Variants in SEMA3A observed in about 807,000 individuals in gnomAD.
The protein encoded by SEMA3A is semaphorin-3A.
Under a neutral mutation model 97.9 loss-of-function variants are expected in SEMA3A, and 29 were observed. The ratio of observed to expected loss-of-function variants is 0.30; its 90% CI spans 0.22 to 0.40. The LOEUF (loss-of-function observed/expected upper bound fraction) is 0.40. Among genes scored for constraint, SEMA3A ranks in the 10% least tolerant of loss-of-function variants. The probability of loss-of-function intolerance (pLI) is 1.00; values close to 1 mark genes in which losing one functional copy is unlikely to be tolerated. For synonymous variants in SEMA3A, 321 were observed against 323.7 expected, an observed-to-expected ratio of 0.99 and a Z score of 0.09; for missense variants, 763 against 951.3, an observed-to-expected ratio of 0.80 and a Z score of 2.60.
chr7:84,057,820 T>C (rs976843424), intron 5 of SEMA3A, among the ~76,000 whole-genome samples: 4 of 151,952 alleles, frequency 2.6e-5, no homozygotes, highest in Non-Finnish European at 5.9e-5. Context: ...CTTGACAAAA[T>C]GATCACTTTT....
intron 15 of SEMA3A, among the ~76,000 whole-genome samples, chr7:83,974,531 C>T (rs775052331): frequency 3.3e-5 from 5 of 152,156 alleles, no homozygotes; most frequent in Non-Finnish European, 7.3e-5. Flanking sequence ...TATGCTTCCA[C>T]ATGAGCACAT....
intron 1 of SEMA3A, among the ~76,000 whole-genome samples, chr7:84,454,066 A>T (rs901913733): frequency 6.6e-6 from 1 of 152,202 alleles, no homozygotes; most frequent in Non-Finnish European, 1.5e-5. Flanking sequence ...GTACATGGAG[A>T]TGTAATTTGT....
chr7:84,443,539 C>T (rs892077129), intron 1 of SEMA3A, among the ~76,000 whole-genome samples: 20 of 152,008 alleles, frequency 1.3e-4, no homozygotes, highest in Admixed American at 5.9e-4. Context: ...TCAGAAGGAG[C>T]AAATCAAGAC....
In SEMA3A at chr7:84,060,487, C is replaced by T. The variant is rs1193114121; in HGVS notation, c.525G>A (p.Leu175=). The change falls in exon 5 of 17, where the codon CTG becomes CTA. Residue 175 remains leucine (L), a synonymous_variant. Coordinates refer to ENST00000265362, the MANE Select transcript of SEMA3A (RefSeq NM_006080.3). ...CACCTATTAAAAGGGATGCTGTCAG[C>T]AGCTTAGGGTCATATGGACTCTTCC... ...GRGKSPYDPK[L]LTASLLIDGE... is the part of the protein sequence containing the mutation. The T allele has an allele frequency of 1.3e-6, 2 of 1,585,906 alleles. No homozygotes were observed. Among genetic ancestry groups the T allele is most frequent in the Non-Finnish European group, 1.7e-6 (2 of 1,169,984 alleles).
chr7:84,178,970 C>G, intron 1 of SEMA3A, among the ~76,000 whole-genome samples: 1 of 152,140 alleles, frequency 6.6e-6, no homozygotes, highest in East Asian at 1.9e-4. Flanking sequence ...GCCTGCCAAA[C>G]GGTTCTTTGA....
chr7:84,279,411 C>A (rs1800383090), intron 3 of SEMA3A, among the ~76,000 whole-genome samples: 1 of 151,630 alleles, frequency 6.6e-6, no homozygotes, highest in Non-Finnish European at 1.5e-5. Context: ...CTGGAAAATT[C>A]CACATTGAGG....
Position 84,046,443 on chromosome 7 carries a change from T to C in SEMA3A, c.548A>G (p.Asp183Gly). ...PKLLTASLLI[D>G]GELYSGTAAD... ...TGCAGTTCCAGAGTATAATTCTCCATCTGTGTTGTGACAAAACCACATACA... is the reference window on the plus strand; with the variant it reads ...TGCAGTTCCAGAGTATAATTCTCCACCTGTGTTGTGACAAAACCACATACA... The change falls in exon 6 of 17, where the codon GAT becomes GGT. Residue 183 changes from aspartate to glycine, a missense_variant and splice_region_variant. By Grantham distance (94) the Asp-to-Gly change is moderately conservative. Around this residue, in one of 2 missense-constraint regions of SEMA3A, gnomAD observed 678 missense variants for 881.3 expected, o/e 0.77. Transcript: ENST00000265362. 6.2e-7 allele frequency: 1 copy of C among 1,612,850 alleles called. No individual in the cohort carries two copies. Among genetic ancestry groups the C allele is most frequent in the South Asian group, 1.1e-5 (1 of 91,044 alleles).
intron 4 of SEMA3A, among the ~76,000 whole-genome samples, chr7:84,063,404 A>G (rs1793338123): frequency 6.6e-6 from 1 of 151,416 alleles, no homozygotes; most frequent in African/African-American, 2.4e-5. Flanking sequence ...CAGCAACGGA[A>G]CAAAGCTGGA....
intron 1 of SEMA3A, among the ~76,000 whole-genome samples, chr7:84,414,185 T>C (rs1292363674): frequency 2.6e-5 from 4 of 152,112 alleles, no homozygotes; most frequent in African/African-American, 9.7e-5. Flanking sequence ...CTAATCAATG[T>C]TCACCATTTT....
intron 1 of SEMA3A, among the ~76,000 whole-genome samples, chr7:84,420,956 A>ATCAGG (rs1554382790): frequency 6.6e-6 from 1 of 151,810 alleles, no homozygotes; most frequent in African/African-American, 2.4e-5. Context: ...AGATTCATTG[A>ATCAGG]TTTTTTAAAG....
chr7:84,415,092 T>C (rs762110676), intron 1 of SEMA3A, among the ~76,000 whole-genome samples: 67 of 152,100 alleles, frequency 4.4e-4, no homozygotes, highest in Non-Finnish European at 1.6e-4. Context: ...AAAGGGATAT[T>C]AAGATAGTAT....
intron 1 of SEMA3A, among the ~76,000 whole-genome samples, chr7:84,378,710 TA>T (rs1206392699): frequency 2.6e-5 from 4 of 151,958 alleles, no homozygotes. Flanking sequence ...AGTATAATGT[TA>T]AAAAAAGAAT....
chr7:84,321,749 G>A (rs982710241), intron 2 of SEMA3A, among the ~76,000 whole-genome samples: 5 of 151,412 alleles, frequency 3.3e-5, no homozygotes, highest in Non-Finnish European at 7.4e-5. Flanking sequence ...GGTGGCGCAC[G>A]CCTCTAGTCT....
At chr7:84,101,174 C>T (rs1304495513) in intron 4 of SEMA3A, among the ~76,000 whole-genome samples, 1 of 152,036 alleles carries the variant, frequency 6.6e-6, no homozygotes, top group Non-Finnish European at 1.5e-5. Context: ...TATCTTCTGG[C>T]TTGTTATAAT....
intron 3 of SEMA3A, among the ~76,000 whole-genome samples, chr7:84,279,048 T>G (rs992386721): frequency 1.3e-5 from 2 of 152,070 alleles, no homozygotes; most frequent in Admixed American, 1.3e-4. Context: ...AATGTGAAAA[T>G]AACAATTTGA....
chr7:84,168,551 A>G (rs959094919), intron 1 of SEMA3A, among the ~76,000 whole-genome samples: 2 of 151,968 alleles, frequency 1.3e-5, no homozygotes, highest in African/African-American at 4.8e-5. Context: ...TACTAAAAGG[A>G]AGATAACTTC....
At chr7:84,277,868 T>C (rs999420420) in intron 3 of SEMA3A, among the ~76,000 whole-genome samples, 2 of 152,222 alleles carry the variant, frequency 1.3e-5, no homozygotes, top group African/African-American at 2.4e-5. Flanking sequence ...GATGTTAGTA[T>C]TTGGCTTCCT....
intron 1 of SEMA3A, among the ~76,000 whole-genome samples, chr7:84,167,429 C>T (rs1797247940): frequency 6.6e-6 from 1 of 152,122 alleles, no homozygotes; most frequent in Admixed American, 6.5e-5. Context: ...GGCCTGGTAT[C>T]ATAACTCTTT....
intron 3 of SEMA3A, among the ~76,000 whole-genome samples, chr7:84,234,879 G>A (rs1157631166): frequency 6.6e-6 from 1 of 151,874 alleles, no homozygotes; most frequent in Non-Finnish European, 1.5e-5. Context: ...ACTGAGTACT[G>A]AGCATTGTTG....
Sources: gnomAD v4.1 joint callset for allele counts (sites outside exome capture counted in the v4.1 genomes callset) on GRCh38, gnomAD v4.1.1 for gene constraint, gnomAD v4.1.1 regional missense constraint, MANE v1.5 for transcripts, NCBI Gene and HGNC (gene_info 2026-07-23, HGNC 2026-07-21) for gene names.